The following HS6ST1 variants were observed in gnomAD, a reference collection of about 807,000 sequenced individuals.
HS6ST1 encodes the protein heparan sulfate 6-O-sulfotransferase 1.
In HS6ST1, 3 loss-of-function variants were observed where a neutral mutation model predicts 25.2. The ratio of observed to expected loss-of-function variants is 0.12; its 90% CI spans 0.05 to 0.31. HS6ST1 has a LOEUF of 0.31. Among genes scored for constraint, HS6ST1 ranks in the 10% least tolerant of loss-of-function variants. The pLI is 1.00. For synonymous variants in HS6ST1, 204 were observed against 275.1 expected, an observed-to-expected ratio of 0.74 and a Z score of 2.56; for missense variants, 310 against 609.6, an observed-to-expected ratio of 0.51 and a Z score of 5.18.
chr2:128,317,750 G>A (rs1694395552), intron 1 of HS6ST1, among the ~76,000 whole-genome samples: 1 of 152,258 alleles, frequency 6.6e-6, no homozygotes, highest in African/African-American at 2.4e-5. Flanking sequence ...GCAGCGGGCG[G>A]GGACCCTGGA....
chr2:128,313,064 C>G (rs1258389894), intron 1 of HS6ST1, among the ~76,000 whole-genome samples: 1 of 149,882 alleles, frequency 6.7e-6, no homozygotes, highest in Non-Finnish European at 1.5e-5. Context: ...GACTCCATCT[C>G]AAAAAAAAAA....
At chr2:128,306,948 C>T (rs1357082218) in intron 1 of HS6ST1, among the ~76,000 whole-genome samples, 1 of 151,928 alleles carries the variant, frequency 6.6e-6, no homozygotes, top group African/African-American at 2.4e-5. Context: ...CGTGGACATT[C>T]AGCTCTTTGG....
At chr2:128,276,987 G>C (rs1002996335) in intron 1 of HS6ST1, among the ~76,000 whole-genome samples, 1 of 152,152 alleles carries the variant, frequency 6.6e-6, no homozygotes, top group African/African-American at 2.4e-5. Flanking sequence ...AGGGCAGTGG[G>C]GGTTGCCCTG....
intron 1 of HS6ST1, among the ~76,000 whole-genome samples, chr2:128,290,441 T>C (rs1013766536): frequency 6.6e-6 from 1 of 152,024 alleles, no homozygotes; most frequent in African/African-American, 2.4e-5. Context: ...AGAGTTCAAA[T>C]ATAGATACAA....
intron 1 of HS6ST1, among the ~76,000 whole-genome samples, chr2:128,312,977 C>T (rs1394188568): frequency 1.3e-5 from 2 of 152,042 alleles, no homozygotes; most frequent in African/African-American, 2.4e-5. Context: ...GTCGGACAAT[C>T]GCTTGAAACT....
chr2:128,266,070 A>AT lies in HS6ST1; in HGVS notation c.*2091dup, dbSNP rs1271922842. On this transcript the variant is annotated 3_prime_UTR_variant, in exon 2 of 2. Coordinates refer to ENST00000259241, the MANE Select transcript of HS6ST1 (RefSeq NM_004807.3). The stretch of plus-strand genomic sequence containing the variant: ...TTCCGTGTGAGTTGGGATGCGGGGC[A>AT]TAAGTTAACACATATTCCAATATGT... The AT allele has an allele frequency of 4.1e-4, 62 of 151,698 alleles. No homozygotes were observed. Among genetic ancestry groups the AT allele is most frequent in the African/African-American group, 1.4e-3 (57 of 41,360 alleles). The allele number at this position is 151,698 out of a possible 1,614,324, so 9.4% of individuals were successfully genotyped here.
At chr2:128,300,964 A>T in intron 1 of HS6ST1, among the ~76,000 whole-genome samples, 1 of 152,226 alleles carries the variant, frequency 6.6e-6, no homozygotes, top group Admixed American at 6.5e-5. Flanking sequence ...TGCCTCTGTC[A>T]TTGTCATTAG....
At position 128,266,398 on chromosome 2, in the gene HS6ST1, C is replaced by G. The variant is rs1693514394; in HGVS notation, c.*1764G>C. ...TGATGCATCCACCCAGGGAGGTGGC[C>G]CTGCGCGGCGCTGGCACGCTGTCCA... On this transcript the variant is annotated 3_prime_UTR_variant, in exon 2 of 2. Transcript: ENST00000259241. 1.3e-5 allele frequency: 2 copies of G among 152,242 alleles called. No homozygotes were observed. The highest frequency in any genetic ancestry group is 2.9e-5 in the Non-Finnish European group (2 of 68,056). 9.4% of individuals were successfully genotyped at this position (152,242 alleles called of 1,614,324 possible). A position where few individuals can be genotyped will look rare whatever the true frequency, so the allele number is the denominator to read the frequency against.
intron 1 of HS6ST1, among the ~76,000 whole-genome samples, chr2:128,298,011 G>A (rs867007830): frequency 1.3e-5 from 2 of 150,926 alleles, no homozygotes; most frequent in African/African-American, 2.5e-5. Context: ...TAAAAAATGT[G>A]CGACATTTGA....
chr2:128,296,672 C>T (rs756372352), intron 1 of HS6ST1, among the ~76,000 whole-genome samples: 1 of 152,270 alleles, frequency 6.6e-6, no homozygotes, highest in Non-Finnish European at 1.5e-5. Flanking sequence ...AAGTGAAATA[C>T]TTGTAAACTA....
intron 1 of HS6ST1, among the ~76,000 whole-genome samples, chr2:128,292,160 T>C: frequency 6.6e-6 from 1 of 152,190 alleles, no homozygotes; most frequent in Admixed American, 6.5e-5. Context: ...TTCCTGGCCC[T>C]GCCCAGCTCT....
In HS6ST1 at chr2:128,267,991, C is replaced by T. The variant is rs945321624; in HGVS notation, c.*171G>A. 9.5e-6 allele frequency: 6 copies of T among 630,386 alleles called. No homozygotes were observed. The highest frequency in any genetic ancestry group is 5.6e-5 in the South Asian group (3 of 53,366). The allele number at this position is 630,386 out of a possible 1,614,324, so 39.0% of individuals were successfully genotyped here. A position where few individuals can be genotyped will look rare whatever the true frequency, so the allele number is the denominator to read the frequency against. On this transcript the variant is annotated 3_prime_UTR_variant, in exon 2 of 2. Coordinates refer to ENST00000259241, the MANE Select transcript of HS6ST1 (RefSeq NM_004807.3). ...CTGCACCTGTTGATTTCTCAAGCCC[C>T]CATCCCTGCCCAGCCCCACTACATC...
chr2:128,302,194 G>A (rs1434868137), intron 1 of HS6ST1, among the ~76,000 whole-genome samples: 1 of 152,202 alleles, frequency 6.6e-6, no homozygotes, highest in African/African-American at 2.4e-5. Flanking sequence ...TCTGAGAGGT[G>A]TAACTAGGGG....
At chr2:128,280,104 C>G (rs1693759706) in intron 1 of HS6ST1, among the ~76,000 whole-genome samples, 1 of 152,218 alleles carries the variant, frequency 6.6e-6, no homozygotes, top group African/African-American at 2.4e-5. Context: ...CCCTCATCAG[C>G]ATTGCCTGCT....
In HS6ST1 at chr2:128,318,651, C is replaced by A. The variant is rs893075897; in HGVS notation, c.-88G>T. 32 of 297,148 alleles carry A rather than the reference C, an allele frequency of 1.1e-4. No homozygotes were observed. Among genetic ancestry groups the A allele is most frequent in the Admixed American group, 2.0e-4 (3 of 15,170 alleles). 18.4% of individuals were successfully genotyped at this position (297,148 alleles called of 1,614,324 possible). ...GCAGCTGCCTCCGCCGCCGCCCGCGCTCCGGCCCGGCCCGGCTACTCGGCG... is the reference window on the plus strand; with the variant it reads ...GCAGCTGCCTCCGCCGCCGCCCGCGATCCGGCCCGGCCCGGCTACTCGGCG... On this transcript the variant is annotated 5_prime_UTR_variant, in exon 1 of 2. Coordinates refer to ENST00000259241, the MANE Select transcript of HS6ST1 (RefSeq NM_004807.3). The surrounding 1 kb of genome is among the most constrained non-coding windows in gnomAD (Gnocchi z 5.7).
chr2:128,306,021 C>CTGCG (rs569858289), intron 1 of HS6ST1, among the ~76,000 whole-genome samples: 14 of 152,328 alleles, frequency 9.2e-5, no homozygotes, highest in African/African-American at 3.4e-4. Flanking sequence ...AGGCACAGGC[C>CTGCG]TGTGTGTGAA....
At chr2:128,284,724 G>A (rs180854354) in intron 1 of HS6ST1, among the ~76,000 whole-genome samples, 20 of 152,250 alleles carry the variant, frequency 1.3e-4, no homozygotes, top group African/African-American at 4.3e-4. Context: ...CTGACTTCAG[G>A]TGATCCACCT....
At chr2:128,313,328 C>T (rs6745479) in intron 1 of HS6ST1, among the ~76,000 whole-genome samples, 96,355 of 152,074 alleles carry the variant, frequency 0.63, 30,944 homozygotes, top group East Asian at 0.79. Context: ...GAGCAACCTG[C>T]GCACTCACCC....
chr2:128,276,929 C>G (rs1177493648), intron 1 of HS6ST1, among the ~76,000 whole-genome samples: 1 of 152,184 alleles, frequency 6.6e-6, no homozygotes, highest in Non-Finnish European at 1.5e-5. Context: ...GTGGAGGGCC[C>G]CTGTGGGTAT....
Sources: allele counts gnomAD v4.1 joint callset (sites outside exome capture counted in the v4.1 genomes callset), GRCh38; gene constraint gnomAD v4.1.1; non-coding constraint Gnocchi (gnomAD v3.1); transcripts MANE v1.5; gene names NCBI Gene and HGNC (gene_info 2026-07-23, HGNC 2026-07-21).